The following CD163 variants were observed in gnomAD, a reference collection of about 807,000 sequenced individuals.
CD163 encodes the protein scavenger receptor cysteine-rich type 1 protein M130.
A neutral mutation model predicts 129.2 loss-of-function variants in CD163; 64 were observed. The observed-to-expected ratio is 0.50, with a 90% CI of 0.41 to 0.61. The LOEUF (loss-of-function observed/expected upper bound fraction) is 0.61. Among genes scored for constraint, CD163 ranks in the 20% least tolerant of loss-of-function variants. CD163 has a pLI of 0.00. For missense variants in CD163, 1,061 were observed against 1,377.9 expected, an observed-to-expected ratio of 0.77 and a Z score of 3.64; for synonymous variants, 446 against 478.5, an observed-to-expected ratio of 0.93 and a Z score of 0.89.
At chr12:7,481,334 C>T (rs1252805492) in intron 14 of CD163, 78 bp from the exon 15 acceptor site, 16 of 1,024,944 alleles carry the variant, frequency 1.6e-5, no homozygotes, top group South Asian at 6.5e-5. Flanking sequence ...TTTTTCCAAG[C>T]GCTGCAAACA....
chr12:7,503,707 T>C lies in CD163; in HGVS notation c.-17A>G, dbSNP rs754810588. ...TTTGCTCATTCCAAAGATTTATAAC[T>C]TCAATGATTCCTAAATCTTCTTGTA... is the stretch of plus-strand genomic sequence containing the variant. On this transcript the variant is annotated 5_prime_UTR_variant, in exon 1 of 17. Transcript: ENST00000432237. The C allele has an allele frequency of 2.6e-6, 4 of 1,518,692 alleles. No homozygotes were observed. The East Asian group carries it at 9.1e-5, about 34-fold the overall frequency. The allele number at this position is 1,518,692 out of a possible 1,614,324, so 94.1% of individuals were successfully genotyped here. A position where few individuals can be genotyped will look rare whatever the true frequency, so the allele number is the denominator to read the frequency against.
In CD163 at chr12:7,487,929, T is replaced by C. The variant is rs1565403172; in HGVS notation, c.1579A>G (p.Ile527Val). The C allele has an allele frequency of 5.0e-6, 8 of 1,614,036 alleles. No individual in the cohort carries two copies. Among genetic ancestry groups the C allele is most frequent in the East Asian group, 2.2e-5 (1 of 44,870 alleles). ...RELQCGTVVS[I>V]LGGAHFGEGN... ...TCTCCAAAGTGAGCTCCCCCCAGGA[T>C]AGAGACAACTGTGCCACACTGTAAT... The change falls in exon 7 of 17, where the codon ATC becomes GTC. Residue 527 changes from isoleucine to valine, a missense_variant. Ile to Val is a conservative substitution (Grantham distance 29). Coordinates refer to ENST00000432237, the MANE Select transcript of CD163 (RefSeq NM_203416.4). The surrounding 1 kb of genome is among the most constrained non-coding windows in gnomAD (Gnocchi z 5.1).
rs1565403172 is a variant in CD163, at chr12:7,487,929, T to G, written c.1579A>C (p.Ile527Leu). ...TCTCCAAAGTGAGCTCCCCCCAGGATAGAGACAACTGTGCCACACTGTAAT... is the reference window on the plus strand; with the variant it reads ...TCTCCAAAGTGAGCTCCCCCCAGGAGAGAGACAACTGTGCCACACTGTAAT... ...RELQCGTVVS[I>L]LGGAHFGEGN... Residue 527 changes from isoleucine (I) to leucine (L), a missense_variant, in exon 7 of 17, where the codon ATC becomes CTC. By Grantham distance (5) the Ile-to-Leu change is conservative (BLOSUM62 2). Transcript: ENST00000432237. This position sits in a 1 kb window ranked among gnomAD's most constrained non-coding sequence, Gnocchi z 5.1. The G allele has an allele frequency of 6.2e-7, 1 of 1,614,036 alleles. No homozygotes were observed. Among genetic ancestry groups the G allele is most frequent in the African/African-American group, 1.3e-5 (1 of 74,982 alleles).
At chr12:7,472,837 C>T (rs1949024757) in intron 16 of CD163, among the ~76,000 whole-genome samples, 1 of 152,084 alleles carries the variant, frequency 6.6e-6, no homozygotes, top group Admixed American at 6.5e-5. Flanking sequence ...TTAAAGGTTA[C>T]AGGAACTGCT....
Position 7,487,827 on chromosome 12 carries a change from G to T in CD163, c.1681C>A (p.Pro561Thr). 6.2e-7 allele frequency: 1 copy of T among 1,614,114 alleles called. No individual in the cohort carries two copies. The highest frequency in any genetic ancestry group is 8.5e-7 in the Non-Finnish European group (1 of 1,180,010). Residue 561 changes from proline to threonine, a missense_variant, in exon 7 of 17, where the codon CCC (proline) becomes ACC (threonine). Transcript: ENST00000432237. The surrounding 1 kb of genome is among the most constrained non-coding windows in gnomAD (Gnocchi z 5.1). ...ESHLSLCPVAPRPEGTCSHSR... is the reference protein window; with the variant it reads ...ESHLSLCPVATRPEGTCSHSR... ...TGGCTACAAGTTCCTTCTGGGCGGG[G>T]TGCTACTGGGCAGAGTGAAAGATGG...
rs141189779 is a variant in CD163, at chr12:7,474,005, G to C, written c.*32-2608C>G. ...AGAAGGTCATTACATAATGGTAAAG[G>C]AATCAATGCAACAAGAAGAGCTAAC... On this transcript the variant is annotated intron_variant, in intron 16 of 16. Transcript: ENST00000432237. Among the ~76,000 whole-genome samples, 47 of 152,164 alleles carry C rather than the reference G, an allele frequency of 3.1e-4. 2 individuals carry two copies. The East Asian group carries it at 4.2e-3, about 14-fold the overall frequency.
At position 7,483,483 on chromosome 12, in the gene CD163, A is replaced by G; in HGVS notation, c.2972T>C (p.Ile991Thr). 1.2e-6 allele frequency: 2 copies of G among 1,614,092 alleles called. No homozygotes were observed. Among genetic ancestry groups the G allele is most frequent in the Non-Finnish European group, 1.7e-6 (2 of 1,179,996 alleles). The change falls in exon 12 of 17, where the codon ATA becomes ACA. Residue 991 changes from isoleucine to threonine, a missense_variant. Transcript: ENST00000432237. ...TTTGCACTTCACTTCATTGAGCCAT[A>G]TCGGTCCAGTCCCCTGACCAAACTC... The part of the protein sequence containing the change: ...EAEFGQGTGP[I>T]WLNEVKCKGN...
At chr12:7,472,605 T>C (rs1004764308) in intron 16 of CD163, among the ~76,000 whole-genome samples, 3 of 152,132 alleles carry the variant, frequency 2.0e-5, no homozygotes, top group Admixed American at 2.0e-4. Context: ...GATAAATCGA[T>C]GAAGATGAGG....
rs778120642 is a variant in CD163, at chr12:7,483,293, C to T, written c.3088+74G>A. The T allele has an allele frequency of 2.8e-6, 4 of 1,411,302 alleles. No homozygotes were observed. In the East Asian group the frequency reaches 9.2e-5, roughly 32 times the overall value. 87.4% of individuals were successfully genotyped at this position (1,411,302 alleles called of 1,614,324 possible). A position where few individuals can be genotyped will look rare whatever the true frequency, so the allele number is the denominator to read the frequency against. ...CCTGTGCTGATAAATCCGGTTTTTA[C>T]ACAACACACATCACTGCCCAACCCC... On this transcript the variant is annotated intron_variant, in intron 12 of 16. Coordinates refer to ENST00000432237, the MANE Select transcript of CD163 (RefSeq NM_203416.4).
intron 16 of CD163, among the ~76,000 whole-genome samples, chr12:7,473,997 T>G (rs748383296): frequency 6.6e-6 from 1 of 152,104 alleles, no homozygotes; most frequent in African/African-American, 2.4e-5. Flanking sequence ...CATTACATAA[T>G]GGTAAAGGAA....
intron 6 of CD163, among the ~76,000 whole-genome samples, chr12:7,490,724 T>C (rs1184095685): frequency 6.6e-6 from 1 of 152,130 alleles, no homozygotes; most frequent in East Asian, 1.9e-4. Flanking sequence ...GTTTCGAATA[T>C]GACCATGTTC....
Position 7,486,909 on chromosome 12 carries a change from C to T in CD163, c.2128G>A (p.Ala710Thr), listed in dbSNP as rs773869528. 6 of 1,613,964 alleles carry T rather than the reference C, an allele frequency of 3.7e-6. No homozygotes were observed. Among genetic ancestry groups the T allele is most frequent in the Admixed American group, 1.7e-5 (1 of 60,026 alleles). The change falls in exon 9 of 17, where the codon GCT becomes ACT. Residue 710 changes from alanine to threonine, a missense_variant. By Grantham distance (58) the Ala-to-Thr change is moderately conservative. Transcript: ENST00000432237. Reference sequence around the variant, plus strand: ...AGAGTCTTACCTATGCAGGCCACAGCACTTTCTTCTGGAATGGTAGGCCTT... The same window carrying T: ...AGAGTCTTACCTATGCAGGCCACAGTACTTTCTTCTGGAATGGTAGGCCTT... Reference protein sequence around the residue: ...PTRPTIPEESAVACIESGQLR... With the variant: ...PTRPTIPEESTVACIESGQLR...
chr12:7,484,947 A>G, intron 11 of CD163, 149 bp downstream of exon 11: 1 of 699,512 alleles, frequency 1.4e-6, no homozygotes. Flanking sequence ...GGTAGAATAG[A>G]TATTACCCAC....
intron 6 of CD163, among the ~76,000 whole-genome samples, chr12:7,490,856 C>T (rs148770789): frequency 6.6e-6 from 1 of 152,068 alleles, no homozygotes; most frequent in Non-Finnish European, 1.5e-5. Flanking sequence ...CTAAACATAG[C>T]TCAGAGTTTA....
intron 11 of CD163, among the ~76,000 whole-genome samples, chr12:7,484,635 G>A (rs1212915823): frequency 1.4e-5 from 1 of 71,920 alleles, no homozygotes; most frequent in Non-Finnish European, 3.0e-5. Context: ...GCAAAACTCT[G>A]TCTCAAAAAA....
chr12:7,503,076 G>A (rs1171929362), intron 1 of CD163, among the ~76,000 whole-genome samples: 1 of 152,118 alleles, frequency 6.6e-6, no homozygotes, highest in Non-Finnish European at 1.5e-5. Flanking sequence ...TTGCCAAATA[G>A]TAGCTAGCAG....
chr12:7,483,585 G>A lies in CD163; in HGVS notation c.2870C>T (p.Ser957Phe). 1.9e-6 allele frequency: 3 copies of A among 1,613,576 alleles called. No homozygotes were observed. Among genetic ancestry groups the A allele is most frequent in the Non-Finnish European group, 2.5e-6 (3 of 1,179,896 alleles). Residue 957 changes from serine (S) to phenylalanine (F), a missense_variant, in exon 12 of 17, where the codon TCT becomes TTT. By Grantham distance (155) the Ser-to-Phe change is radical (BLOSUM62 -2). Transcript: ENST00000432237. The part of the protein sequence containing the change: ...GGSWGTVCDD[S>F]WDLDDAQVVC... ...CACCTGAGCATCGTCCAAGTCCCAA[G>A]AGTCATCACACACTGTCCCCCAGGA...
At chr12:7,493,003 A>T (rs1169627884) in intron 6 of CD163, among the ~76,000 whole-genome samples, 1 of 152,220 alleles carries the variant, frequency 6.6e-6, no homozygotes, top group Non-Finnish European at 1.5e-5. Flanking sequence ...GCATAGATCA[A>T]AGTATATTTA....
chr12:7,470,920 A>G lies in CD163; in HGVS notation c.*509T>C, dbSNP rs1019253143. The stretch of plus-strand genomic sequence containing the variant: ...TGAGTCATGCCTTATAAAGTTAGCC[A>G]TATATTATTTACAGACCCTTCAATA... On this transcript the variant is annotated 3_prime_UTR_variant, in exon 17 of 17. Coordinates refer to ENST00000432237, the MANE Select transcript of CD163 (RefSeq NM_203416.4). 1.3e-5 allele frequency: 2 copies of G among 152,202 alleles called. No homozygotes were observed. Among genetic ancestry groups the G allele is most frequent in the Non-Finnish European group, 2.9e-5 (2 of 68,020 alleles). 9.4% of individuals were successfully genotyped at this position (152,202 alleles called of 1,614,324 possible).
Sources: allele counts gnomAD v4.1 joint callset (sites outside exome capture counted in the v4.1 genomes callset), GRCh38; gene constraint gnomAD v4.1.1; non-coding constraint Gnocchi (gnomAD v3.1); transcripts MANE v1.5; gene names NCBI Gene and HGNC (gene_info 2026-07-23, HGNC 2026-07-21).